The following VAV3 variants were observed in gnomAD, a reference collection of about 807,000 sequenced individuals.
VAV3 encodes guanine nucleotide exchange factor VAV3.
Under a neutral mutation model 131.2 loss-of-function variants are expected in VAV3, and 94 were observed. The ratio of observed to expected loss-of-function variants is 0.72; its 90% CI spans 0.61 to 0.85. The LOEUF is 0.85. Among genes scored for constraint, VAV3 ranks in the 40% least tolerant of loss-of-function variants. VAV3 has a pLI of 0.00. For missense variants in VAV3, 939 were observed against 1,002.7 expected (o/e 0.94, Z 0.86); for synonymous variants, 349 against 342.0 (o/e 1.02, Z -0.22).
Position 107,964,916 on chromosome 1 carries a change from TGCG to T in VAV3, c.-50_-48del. 8.4e-7 allele frequency: 1 copy of T among 1,192,112 alleles called. No individual in the cohort carries two copies. The highest frequency in any genetic ancestry group is 1.0e-6 in the Non-Finnish European group (1 of 961,496). The allele number at this position is 1,192,112 out of a possible 1,614,324, so 73.8% of individuals were successfully genotyped here. A position where few individuals can be genotyped will look rare whatever the true frequency, so the allele number is the denominator to read the frequency against. On this transcript the variant is annotated 5_prime_UTR_variant, in exon 1 of 27. Coordinates refer to ENST00000370056, the MANE Select transcript of VAV3 (RefSeq NM_006113.5). The stretch of plus-strand genomic sequence containing the variant: ...GCTGGGCCGGGGCGGGCGGCAAGGA[TGCG>T]GCCGCCGCCGCCGCCGCCGCGGTTC...
intron 5 of VAV3, 98 bp from the exon 6 acceptor site, chr1:107,770,826 T>C (rs920906612): frequency 1.6e-5 from 15 of 928,382 alleles, no homozygotes; most frequent in South Asian, 3.2e-5. Context: ...TCTTAAACTT[T>C]CCTTTCTAAT....
At chr1:107,574,583 A>T (rs1570540154) in intron 25 of VAV3, among the ~76,000 whole-genome samples, 1 of 152,328 alleles carries the variant, frequency 6.6e-6, no homozygotes, top group East Asian at 1.9e-4. Context: ...ATGGCCCAGT[A>T]ATCTAACCAG....
At chr1:107,627,054 G>A (rs1007695890) in intron 20 of VAV3, among the ~76,000 whole-genome samples, 1 of 152,166 alleles carries the variant, frequency 6.6e-6, no homozygotes, top group African/African-American at 2.4e-5. Flanking sequence ...GATTTCTGAA[G>A]TTTCAGGGAG....
intron 2 of VAV3, among the ~76,000 whole-genome samples, chr1:107,830,901 T>G (rs541102687): frequency 2.0e-5 from 3 of 152,190 alleles, no homozygotes; most frequent in African/African-American, 4.8e-5. Context: ...TTGTATATCG[T>G]GTTATATCTG....
intron 1 of VAV3, among the ~76,000 whole-genome samples, chr1:107,904,281 T>C (rs1672001843): frequency 6.6e-6 from 1 of 152,214 alleles, no homozygotes; most frequent in Admixed American, 6.5e-5. Flanking sequence ...GCTGTCACTC[T>C]AGATAAATGT....
rs1671282044 is a variant in VAV3, at chr1:107,890,973, T to C, written c.205-15956A>G. 2.0e-5 allele frequency among the ~76,000 whole-genome samples: 3 copies of C among 150,990 alleles called. 1 individual carries two copies. The South Asian group carries it at 6.3e-4, about 31-fold the overall frequency. On this transcript the variant is annotated intron_variant, in intron 1 of 26. Coordinates refer to ENST00000370056, the MANE Select transcript of VAV3 (RefSeq NM_006113.5). ...GTGGTGTAGGGTTTTATTATTTTGG[T>C]TTTTTTAATCTAACACTGTTTGAAA...
At chr1:107,736,084 T>C (rs147752614) in intron 15 of VAV3, among the ~76,000 whole-genome samples, 2,300 of 152,136 alleles carry the variant, frequency 0.015, 62 homozygotes, top group African/African-American at 0.053. Context: ...ATTCATCACA[T>C]AAACAGAATC....
chr1:107,761,249 C>T (rs959160558), intron 9 of VAV3, among the ~76,000 whole-genome samples: 6 of 151,752 alleles, frequency 4.0e-5, no homozygotes, highest in Non-Finnish European at 7.4e-5. Context: ...CAAAATTAGC[C>T]GGTCATGGTG....
intron 25 of VAV3, among the ~76,000 whole-genome samples, chr1:107,575,180 TG>T (rs1021314828): frequency 1.2e-4 from 19 of 152,326 alleles, no homozygotes; most frequent in Non-Finnish European, 1.9e-4. Context: ...TGTTGCTCTT[TG>T]GGGTTATAAA....
At chr1:107,896,381 CAAATT>C (rs71701572) in intron 1 of VAV3, among the ~76,000 whole-genome samples, 33,809 of 151,680 alleles carry the variant, frequency 0.22, 3,827 homozygotes, top group African/African-American at 0.27. Flanking sequence ...CCTCTTTCAT[CAAATT>C]AATCGCACAG....
At chr1:107,726,648 A>G (rs552450755) in intron 15 of VAV3, among the ~76,000 whole-genome samples, 1 of 152,362 alleles carries the variant, frequency 6.6e-6, no homozygotes, top group East Asian at 1.9e-4. Flanking sequence ...TTGGCTTTGC[A>G]AGATACGATA....
In VAV3 at chr1:107,882,113, G is replaced by A. The variant is rs542342259; in HGVS notation, c.205-7096C>T. Among the ~76,000 whole-genome samples the A allele has an allele frequency of 2.0e-5, 3 of 152,260 alleles. No homozygotes were observed. The East Asian group carries it at 5.8e-4, about 29-fold the overall frequency. On this transcript the variant is annotated intron_variant, in intron 1 of 26. Coordinates refer to ENST00000370056, the MANE Select transcript of VAV3 (RefSeq NM_006113.5). ...AGTGGTGTTAACTGAGGCAATGGAA[G>A]AGGAAAAATCTCTACAGCTTATTGT... is the stretch of plus-strand genomic sequence containing the variant.
chr1:107,721,110 T>C (rs1269755243), intron 15 of VAV3, among the ~76,000 whole-genome samples: 1 of 152,084 alleles, frequency 6.6e-6, no homozygotes, highest in African/African-American at 2.4e-5. Flanking sequence ...GACTGGAGAA[T>C]CCTTTATGGT....
intron 20 of VAV3, among the ~76,000 whole-genome samples, chr1:107,625,208 G>A (rs574519189): frequency 1.3e-5 from 2 of 151,426 alleles, no homozygotes; most frequent in African/African-American, 4.8e-5. Context: ...AAAAACATTT[G>A]ATCCACAAAT....
At chr1:107,647,589 A>G (rs1655830718) in intron 19 of VAV3, among the ~76,000 whole-genome samples, 1 of 152,024 alleles carries the variant, frequency 6.6e-6, no homozygotes, top group Non-Finnish European at 1.5e-5. Context: ...TCATATCTAT[A>G]AAAATTTTCA....
At chr1:107,649,225 C>T (rs1655969838) in intron 19 of VAV3, among the ~76,000 whole-genome samples, 1 of 152,018 alleles carries the variant, frequency 6.6e-6, no homozygotes, top group African/African-American at 2.4e-5. Context: ...GCTCATCTGA[C>T]TACACCCAAG....
chr1:107,620,415 C>T (rs1653480886), intron 20 of VAV3, among the ~76,000 whole-genome samples: 1 of 152,054 alleles, frequency 6.6e-6, no homozygotes, highest in Admixed American at 6.6e-5. Context: ...TTATAACTAC[C>T]TACAATATTC....
intron 25 of VAV3, among the ~76,000 whole-genome samples, chr1:107,575,387 C>G (rs1649574235): frequency 6.6e-6 from 1 of 152,130 alleles, no homozygotes; most frequent in African/African-American, 2.4e-5. Context: ...GAAGAGCCTG[C>G]CCACTTGGCC....
intron 15 of VAV3, among the ~76,000 whole-genome samples, chr1:107,746,967 C>A (rs1475730831): frequency 6.6e-6 from 1 of 152,020 alleles, no homozygotes; most frequent in South Asian, 2.1e-4. Flanking sequence ...GCAACCTCCG[C>A]CTCTCAGGTT....
Sources: allele counts gnomAD v4.1 joint callset (sites outside exome capture counted in the v4.1 genomes callset), GRCh38; gene constraint gnomAD v4.1.1; transcripts MANE v1.5; gene names NCBI Gene and HGNC (gene_info 2026-07-23, HGNC 2026-07-21).